PHLPP2: variants seen among roughly 807,000 people sequenced by gnomAD.
PHLPP2 encodes the protein PH domain leucine-rich repeat-containing protein phosphatase 2.
PHLPP2 carries 66 observed loss-of-function variants against 124.9 expected under a neutral mutation model. The observed-to-expected ratio is 0.53, with a 90% confidence interval of 0.43 to 0.65. The LOEUF is 0.65. Ranked by LOEUF, PHLPP2 falls within the 30% of genes least tolerant of loss-of-function variation. The pLI, the probability that PHLPP2 is intolerant of heterozygous loss-of-function variation, is 0.00. For synonymous variants in PHLPP2, 681 were observed against 624.7 expected (o/e 1.09, Z -1.34); for missense variants, 1,685 against 1,600.4 (o/e 1.05, Z -0.90).
At position 71,649,756 on chromosome 16, in the gene PHLPP2, C is replaced by T. The variant is rs2145301125; in HGVS notation, c.3106G>A (p.Gly1036Ser). The T allele has an allele frequency of 6.2e-7, 1 of 1,614,210 alleles. No homozygotes were observed. Among genetic ancestry groups the T allele is most frequent in the Non-Finnish European group, 8.5e-7 (1 of 1,180,034 alleles). ...ATTTCACAAGTGCAGCCTTCCTCAC[C>T]AATATTCAAATAAACTACCATCGCC... is the stretch of plus-strand genomic sequence containing the variant. ...VGAMVVYLNI[G>S]EEGCTCEMNG... The change falls in exon 19 of 19, where the codon GGT becomes AGT. Residue 1036 changes from glycine to serine, a missense_variant. By Grantham distance (56) the Gly-to-Ser change is moderately conservative. Coordinates refer to ENST00000568954, the MANE Select transcript of PHLPP2 (RefSeq NM_015020.3).
At chr16:71,723,848 C>G in intron 1 of PHLPP2, 1 of 1,218,238 alleles carries the variant, frequency 8.2e-7, no homozygotes, top group Non-Finnish European at 1.0e-6. Context: ...GCCCGCGGGC[C>G]CCGGCTCCAC....
At chr16:71,651,282 G>A (rs1447092668) in intron 18 of PHLPP2, among the ~76,000 whole-genome samples, 4 of 151,356 alleles carry the variant, frequency 2.6e-5, no homozygotes, top group African/African-American at 9.7e-5. Flanking sequence ...AGATTGTGGT[G>A]AGCCAAGATC....
intron 13 of PHLPP2, among the ~76,000 whole-genome samples, chr16:71,661,814 GTTTGTTTTGT>G (rs1030867173): frequency 6.6e-6 from 1 of 151,690 alleles, no homozygotes; most frequent in Non-Finnish European, 1.5e-5. Flanking sequence ...ACCTACACAA[GTTTGTTTTGT>G]TTTGTTTTGT....
chr16:71,703,467 T>C (rs1597014114), intron 2 of PHLPP2, among the ~76,000 whole-genome samples: 1 of 151,592 alleles, frequency 6.6e-6, no homozygotes, highest in African/African-American at 2.4e-5. Context: ...TGACACTGTA[T>C]TTTAAATCAC....
At chr16:71,719,645 C>T (rs920293829) in intron 1 of PHLPP2, among the ~76,000 whole-genome samples, 2 of 151,470 alleles carry the variant, frequency 1.3e-5, no homozygotes, top group African/African-American at 2.4e-5. Context: ...TGACACACAC[C>T]GACATTAGTT....
At chr16:71,699,030 G>T (rs1486587381) in intron 3 of PHLPP2, among the ~76,000 whole-genome samples, 1 of 152,176 alleles carries the variant, frequency 6.6e-6, no homozygotes, top group Non-Finnish European at 1.5e-5. Context: ...ATTTGAAGCT[G>T]ATTACTAAGC....
At chr16:71,651,894 C>G (rs1166900106) in intron 18 of PHLPP2, among the ~76,000 whole-genome samples, 1 of 152,192 alleles carries the variant, frequency 6.6e-6, no homozygotes, top group African/African-American at 2.4e-5. Flanking sequence ...TAACTCAAAA[C>G]AGACCATGGA....
At chr16:71,664,231 C>G (rs2044819027) in intron 12 of PHLPP2, 132 bp from the exon 13 acceptor site, 4 of 663,986 alleles carry the variant, frequency 6.0e-6, no homozygotes, top group Non-Finnish European at 7.8e-6. Context: ...AAAAAATCTC[C>G]ACGTAGTTTT....
Position 71,676,464 on chromosome 16 carries a change from A to C in PHLPP2, c.1454T>G (p.Leu485Arg), listed in dbSNP as rs1300372794. The C allele has an allele frequency of 6.2e-7, 1 of 1,613,752 alleles. No homozygotes were observed. Among genetic ancestry groups the C allele is most frequent in the East Asian group, 2.2e-5 (1 of 44,888 alleles). ...LTLSGFSLRTLYASSNRLTAV... is the reference protein window; with the variant it reads ...LTLSGFSLRTRYASSNRLTAV... ...AAACTCACTGTTGGAACTGGCATAG[A>C]GGGTCCGAAGGGAAAAGCCACTGAG... Residue 485 changes from leucine to arginine, a missense_variant, in exon 9 of 19, where the codon CTC (leucine) becomes CGC (arginine). Leu to Arg is a moderately radical substitution (Grantham distance 102, BLOSUM62 -2). Transcript: ENST00000568954.
rs988703128 is a variant in PHLPP2 at position 71,648,160 on chromosome 16, G to A, written c.*730C>T. 4.6e-5 allele frequency: 7 copies of A among 152,726 alleles called. No individual in the cohort carries two copies. Among genetic ancestry groups the A allele is most frequent in the Non-Finnish European group, 8.8e-5 (6 of 68,046 alleles). The allele number at this position is 152,726 out of a possible 1,614,324, so 9.5% of individuals were successfully genotyped here. On this transcript the variant is annotated 3_prime_UTR_variant, in exon 19 of 19. Transcript: ENST00000568954. ...ACACCCCATTAGTCTGAGATAAGGT[G>A]ATTTCTCTGTCACAGAGATCCATCA... is the stretch of plus-strand genomic sequence containing the variant.
At chr16:71,697,503 T>G (rs1197959974) in intron 3 of PHLPP2, among the ~76,000 whole-genome samples, 3 of 152,200 alleles carry the variant, frequency 2.0e-5, no homozygotes, top group Non-Finnish European at 4.4e-5. Context: ...CAGATTTTGA[T>G]AAACAATAGT....
In PHLPP2 at chr16:71,647,346, A is replaced by G. The variant is rs538539194; in HGVS notation, c.*1544T>C. 6 of 125,470 alleles carry G rather than the reference A, an allele frequency of 4.8e-5. No homozygotes were observed. The highest frequency in any genetic ancestry group is 1.7e-4 in the African/African-American group (6 of 36,330). 7.8% of individuals were successfully genotyped at this position (125,470 alleles called of 1,614,324 possible). A position where few individuals can be genotyped will look rare whatever the true frequency, so the allele number is the denominator to read the frequency against. On this transcript the variant is annotated 3_prime_UTR_variant, in exon 19 of 19. Coordinates refer to ENST00000568954, the MANE Select transcript of PHLPP2 (RefSeq NM_015020.3). ...TTTCTGTAAGCTTAAGAATTTCTCA[A>G]TGAAGTGTCTTTCTTATGTTAGTAT...
At chr16:71,702,064 T>C (rs548381033) in intron 3 of PHLPP2, among the ~76,000 whole-genome samples, 17 of 152,272 alleles carry the variant, frequency 1.1e-4, no homozygotes, top group African/African-American at 3.6e-4. Flanking sequence ...ATGTTACTGT[T>C]CCAAGTTTTT....
intron 2 of PHLPP2, among the ~76,000 whole-genome samples, chr16:71,708,656 C>T (rs972193423): frequency 1.3e-5 from 2 of 152,110 alleles, no homozygotes; most frequent in African/African-American, 4.8e-5. Flanking sequence ...CCTGGTGTTG[C>T]GCGCCTGTAG....
intron 3 of PHLPP2, 28 bp from the exon 4 acceptor site, chr16:71,690,737 C>T (rs766755935): frequency 4.7e-6 from 7 of 1,497,542 alleles, no homozygotes; most frequent in Non-Finnish European, 6.5e-6. Flanking sequence ...CTTCAGAATC[C>T]ACCATTAAAG....
chr16:71,654,219 A>AG (rs1187577298), intron 17 of PHLPP2, among the ~76,000 whole-genome samples: 1 of 150,312 alleles, frequency 6.7e-6, no homozygotes, highest in Non-Finnish European at 1.5e-5. Flanking sequence ...AAAAAAAAAA[A>AG]AAAAAAAAAC....
Position 71,655,433 on chromosome 16 carries a change from G to A in PHLPP2, c.2392C>T (p.Leu798=). 6.2e-7 allele frequency: 1 copy of A among 1,602,606 alleles called. No individual in the cohort carries two copies. The highest frequency in any genetic ancestry group is 8.5e-7 in the Non-Finnish European group (1 of 1,171,858). ...TCCATAGCAAGTGCTGAGACACACA[G>A]CCTATAATAGAAACATGAAAACAGA... ...LAEMAGQRNK[L]CVSALAMDSF... Residue 798 remains leucine, a splice_region_variant and synonymous_variant, in exon 17 of 19, where the codon CTG becomes TTG. Transcript: ENST00000568954.
chr16:71,656,319 G>A (rs1357554794), intron 16 of PHLPP2, among the ~76,000 whole-genome samples: 1 of 152,160 alleles, frequency 6.6e-6, no homozygotes, highest in Non-Finnish European at 1.5e-5. Flanking sequence ...AGCTGTAACT[G>A]GTAAAGAAAG....
intron 10 of PHLPP2, among the ~76,000 whole-genome samples, chr16:71,670,069 G>A (rs1477690941): frequency 6.6e-6 from 1 of 152,208 alleles, no homozygotes; most frequent in Non-Finnish European, 1.5e-5. Flanking sequence ...TAAGAAATAT[G>A]TGGGTTAGAA....
Sources: gnomAD v4.1 joint callset for allele counts (sites outside exome capture counted in the v4.1 genomes callset) on GRCh38, gnomAD v4.1.1 for gene constraint, MANE v1.5 for transcripts, NCBI Gene and HGNC (gene_info 2026-07-23, HGNC 2026-07-21) for gene names.